LARGE1: variants seen among roughly 807,000 people sequenced by gnomAD.
LARGE1 encodes the protein xylosyl- and glucuronyltransferase LARGE1.
LARGE1 carries 43 observed loss-of-function variants against 87.6 expected under a neutral mutation model. The ratio of observed to expected loss-of-function variants is 0.49; its 90% CI spans 0.38 to 0.63. The LOEUF (loss-of-function observed/expected upper bound fraction) is 0.63, where lower values mean the gene tolerates loss of function less well. Ranked by LOEUF, LARGE1 falls within the 30% of genes least tolerant of loss-of-function variation. The probability of loss-of-function intolerance (pLI) is 0.00; values close to 1 mark genes in which losing one functional copy is unlikely to be tolerated. For missense variants in LARGE1, 802 were observed against 1,000.2 expected, an observed-to-expected ratio of 0.80 and a Z score of 2.67; for synonymous variants, 434 against 394.6, an observed-to-expected ratio of 1.10 and a Z score of -1.18.
chr22:33,221,954 C>A (rs1269746095), intron 11 of LARGE1, among the ~76,000 whole-genome samples: 1 of 152,198 alleles, frequency 6.6e-6, no homozygotes, highest in Non-Finnish European at 1.5e-5. Context: ...GGCTACATAT[C>A]AACTAAACAT....
At chr22:33,337,599 G>A (rs746525693) in intron 10 of LARGE1, 47 bp downstream of exon 10, 10 of 1,610,108 alleles carry the variant, frequency 6.2e-6, no homozygotes, top group Admixed American at 1.7e-5. Flanking sequence ...CTTGATGGAT[G>A]AGCAGAGAAG....
At chr22:33,308,587 T>C (rs1196129248) in intron 11 of LARGE1, among the ~76,000 whole-genome samples, 2 of 152,186 alleles carry the variant, frequency 1.3e-5, no homozygotes, top group African/African-American at 2.4e-5. Flanking sequence ...CTTTGGTCCA[T>C]GCGATATTAG....
At position 33,564,933 on chromosome 22, in the gene LARGE1, G is replaced by A. The variant is rs1397270721; in HGVS notation, c.702C>T (p.Asn234=). The A allele has an allele frequency of 6.2e-7, 1 of 1,613,988 alleles. No homozygotes were observed. The highest frequency in any genetic ancestry group is 1.1e-5 in the South Asian group (1 of 91,080). The stretch of plus-strand genomic sequence containing the variant: ...TGTCAAGGACGATGACTCTCTCCAG[G>A]TTGGCAGGAAGAGTCTTGGTCAGGA... The part of the protein sequence containing the change: ...KLVLTKTLPA[N]LERVIVLDTD... The change falls in exon 6 of 15, where the codon AAC becomes AAT. Residue 234 remains asparagine, a synonymous_variant. Coordinates refer to ENST00000397394, the MANE Select transcript of LARGE1 (RefSeq NM_133642.5).
chr22:33,799,674 TG>T (rs1468284887), intron 1 of LARGE1, among the ~76,000 whole-genome samples: 1 of 152,108 alleles, frequency 6.6e-6, no homozygotes, highest in African/African-American at 2.4e-5. Context: ...CTCGGCAATC[TG>T]CCCGCCTCGG....
At position 33,535,821 on chromosome 22, in the gene LARGE1, C is replaced by T. The variant is rs543154625; in HGVS notation, c.787+29027G>A. Among the ~76,000 whole-genome samples the T allele has an allele frequency of 3.2e-3, 494 of 152,210 alleles. 1 individual carries two copies. The highest frequency in any genetic ancestry group is 5.8e-3 in the Non-Finnish European group (395 of 68,004). On this transcript the variant is annotated intron_variant, in intron 6 of 14. Transcript: ENST00000397394. ...TCGCTGATCTGTGATGTCGGTTCCC[C>T]CGTCCCATCTGTATTTTCACTCCTG... is the stretch of plus-strand genomic sequence containing the variant.
At chr22:33,465,750 G>C (rs940284344) in intron 6 of LARGE1, among the ~76,000 whole-genome samples, 6 of 152,218 alleles carry the variant, frequency 3.9e-5, no homozygotes, top group African/African-American at 9.7e-5. Context: ...GATGTGCCAA[G>C]AACATTCCTT....
intron 11 of LARGE1, among the ~76,000 whole-genome samples, chr22:33,263,519 A>G (rs1927759830): frequency 6.6e-6 from 1 of 152,258 alleles, no homozygotes; most frequent in African/African-American, 2.4e-5. Context: ...TGTAGAGAGC[A>G]GAGCTCTCAG....
Position 33,788,787 on chromosome 22 carries a change from A to C in LARGE1, c.-82-27229T>G, listed in dbSNP as rs569522378. Among the ~76,000 whole-genome samples the C allele has an allele frequency of 3.9e-5, 6 of 152,312 alleles. No homozygotes were observed. In the South Asian group the frequency reaches 1.0e-3, roughly 26 times the overall value. ...ATGATTTAGGGCATCTGGCAGAAGA[A>C]ATTTCTAAACAGCAAAGCGTTCAAG... is the stretch of plus-strand genomic sequence containing the variant. On this transcript the variant is annotated intron_variant, in intron 1 of 14. Coordinates refer to ENST00000397394, the MANE Select transcript of LARGE1 (RefSeq NM_133642.5).
chr22:33,756,186 G>A (rs937280928), intron 2 of LARGE1, among the ~76,000 whole-genome samples: 1 of 152,126 alleles, frequency 6.6e-6, no homozygotes, highest in African/African-American at 2.4e-5. Context: ...GGATCCAGGA[G>A]GCAATGATGA....
chr22:33,912,883 G>A (rs965161917), intron 1 of LARGE1, among the ~76,000 whole-genome samples: 15 of 150,804 alleles, frequency 9.9e-5, no homozygotes, highest in South Asian at 2.1e-4. Context: ...AGGCTGGAGC[G>A]CAATGGCTGT....
chr22:33,138,178 A>G, the LARGE1 span, among the ~76,000 whole-genome samples: 1 of 152,168 alleles, frequency 6.6e-6, no homozygotes, highest in Non-Finnish European at 1.5e-5. Context: ...TACCTCTTGC[A>G]TTGTCATGAC....
intron 1 of LARGE1, among the ~76,000 whole-genome samples, chr22:33,866,156 A>G (rs894853239): frequency 6.6e-6 from 1 of 151,948 alleles, no homozygotes; most frequent in African/African-American, 2.4e-5. Flanking sequence ...TGGTGGATGG[A>G]TGTGGCCAAC....
chr22:33,598,518 C>T (rs2079035953), intron 5 of LARGE1, among the ~76,000 whole-genome samples: 1 of 151,782 alleles, frequency 6.6e-6, no homozygotes, highest in South Asian at 2.1e-4. Context: ...TGCTATCCCT[C>T]CCCCAGGCCC....
At chr22:33,750,343 A>G (rs556846920) in intron 2 of LARGE1, among the ~76,000 whole-genome samples, 1 of 152,344 alleles carries the variant, frequency 6.6e-6, no homozygotes, top group African/African-American at 2.4e-5. Context: ...TTTTAGGGAA[A>G]GCCAAAAATC....
chr22:33,612,257 C>T (rs1202855773), intron 4 of LARGE1, among the ~76,000 whole-genome samples: 1 of 152,154 alleles, frequency 6.6e-6, no homozygotes, highest in East Asian at 1.9e-4. Flanking sequence ...ACACCCACCA[C>T]CATGCCCGGC....
intron 5 of LARGE1, among the ~76,000 whole-genome samples, chr22:33,575,119 G>T (rs1324871334): frequency 6.6e-6 from 1 of 152,106 alleles, no homozygotes; most frequent in Admixed American, 6.5e-5. Flanking sequence ...CACCCCGGGT[G>T]ATTCAAAAGC....
chr22:33,501,148 C>T (rs144438805), intron 6 of LARGE1, among the ~76,000 whole-genome samples: 1 of 152,200 alleles, frequency 6.6e-6, no homozygotes, highest in East Asian at 1.9e-4. Context: ...TGAAATGGTA[C>T]ATTAAAGAGT....
intron 11 of LARGE1, among the ~76,000 whole-genome samples, chr22:33,247,353 G>C (rs1926812468): frequency 6.6e-6 from 1 of 151,882 alleles, no homozygotes; most frequent in Non-Finnish European, 1.5e-5. Flanking sequence ...TAATATTCAG[G>C]ACACAATATT....
intron 1 of LARGE1, among the ~76,000 whole-genome samples, chr22:33,882,277 G>A (rs909679182): frequency 1.1e-4 from 17 of 152,062 alleles, no homozygotes; most frequent in African/African-American, 2.7e-4. Context: ...TGATCCGCTC[G>A]CCTCGGCCTC....
Sources: allele counts gnomAD v4.1 joint callset (sites outside exome capture counted in the v4.1 genomes callset), GRCh38; gene constraint gnomAD v4.1.1; transcripts MANE v1.5; gene names NCBI Gene and HGNC (gene_info 2026-07-23, HGNC 2026-07-21).